The following DDAH1 variants were observed in gnomAD, a reference collection of about 807,000 sequenced individuals.
DDAH1 encodes N(G),N(G)-dimethylarginine dimethylaminohydrolase 1.
A neutral mutation model predicts 28.8 loss-of-function variants in DDAH1; 19 were observed. That is an observed-to-expected ratio of 0.66 (90% CI 0.46 to 0.97). DDAH1 has a LOEUF of 0.97. Among genes scored for constraint, DDAH1 ranks in the 50% least tolerant of loss-of-function variants. The probability of loss-of-function intolerance (pLI) is 0.00; values close to 1 mark genes in which losing one functional copy is unlikely to be tolerated. For synonymous variants in DDAH1, 153 were observed against 154.4 expected (o/e 0.99, Z 0.07); for missense variants, 326 against 375.9 (o/e 0.87, Z 1.10).
intron 1 of DDAH1, among the ~76,000 whole-genome samples, chr1:85,404,895 A>C (rs973300314): frequency 5.9e-5 from 9 of 152,204 alleles, no homozygotes; most frequent in Non-Finnish European, 1.3e-4. Context: ...AGGGAACGCC[A>C]TTTCTTTAGG....
chr1:85,330,572 C>G (rs1193518801), intron 4 of DDAH1, among the ~76,000 whole-genome samples: 1 of 152,124 alleles, frequency 6.6e-6, no homozygotes, highest in Non-Finnish European at 1.5e-5. Flanking sequence ...AATTCCTTTC[C>G]CTAAGAGCAG....
intron 1 of DDAH1, among the ~76,000 whole-genome samples, chr1:85,398,227 A>G (rs910436047): frequency 4.6e-5 from 7 of 152,160 alleles, no homozygotes; most frequent in Non-Finnish European, 8.8e-5. Flanking sequence ...GTTTGTCAAA[A>G]TTTCCAGCAA....
chr1:85,404,826 T>G (rs1291893274), intron 1 of DDAH1, among the ~76,000 whole-genome samples: 1 of 152,228 alleles, frequency 6.6e-6, no homozygotes, highest in Non-Finnish European at 1.5e-5. Context: ...AGTTGCTATA[T>G]GTACTGTTCT....
chr1:85,391,950 T>C (rs1356671241), intron 1 of DDAH1, among the ~76,000 whole-genome samples: 1 of 152,204 alleles, frequency 6.6e-6, no homozygotes, highest in Admixed American at 6.5e-5. Flanking sequence ...TGTTATCCTG[T>C]AGGTAGACAC....
intron 1 of DDAH1, among the ~76,000 whole-genome samples, chr1:85,393,939 C>T (rs1211548389): frequency 6.6e-6 from 1 of 152,098 alleles, no homozygotes; most frequent in African/African-American, 2.4e-5. Context: ...CTTATAAAAG[C>T]TCTAAGATCT....
intron 1 of DDAH1, among the ~76,000 whole-genome samples, chr1:85,517,831 C>T (rs1195637701): frequency 6.6e-6 from 1 of 152,128 alleles, no homozygotes; most frequent in Non-Finnish European, 1.5e-5. Context: ...TGATGAGACC[C>T]TTCATCAGTG....
At chr1:85,430,985 T>A (rs1653659223) in intron 1 of DDAH1, among the ~76,000 whole-genome samples, 1 of 152,218 alleles carries the variant, frequency 6.6e-6, no homozygotes, top group Non-Finnish European at 1.5e-5. Context: ...TCAAAGGGAA[T>A]GCTTCCAGCT....
chr1:85,528,258 C>T (rs1657941442), intron 1 of DDAH1, among the ~76,000 whole-genome samples: 1 of 151,722 alleles, frequency 6.6e-6, no homozygotes, highest in African/African-American at 2.4e-5. Context: ...AAAATCTACC[C>T]TTACCAAGTG....
chr1:85,437,981 G>A (rs572134959), intron 1 of DDAH1, among the ~76,000 whole-genome samples: 1 of 152,278 alleles, frequency 6.6e-6, no homozygotes, highest in South Asian at 2.1e-4. Context: ...TATACACTAT[G>A]TACTACTATG....
At chr1:85,555,092 G>C (rs972368308) in intron 1 of DDAH1, among the ~76,000 whole-genome samples, 10 of 152,202 alleles carry the variant, frequency 6.6e-5, no homozygotes, top group Non-Finnish European at 1.3e-4. Context: ...AGTTCTTTGA[G>C]GGCAGGATCT....
chr1:85,331,091 T>C (rs1024550066), intron 4 of DDAH1, among the ~76,000 whole-genome samples: 6 of 152,170 alleles, frequency 3.9e-5, no homozygotes, highest in Non-Finnish European at 7.4e-5. Context: ...TGTCACAAAA[T>C]AGAGTGGGAA....
chr1:85,506,332 C>T (rs1000602428), intron 1 of DDAH1, among the ~76,000 whole-genome samples: 2 of 152,140 alleles, frequency 1.3e-5, no homozygotes, highest in Non-Finnish European at 2.9e-5. Flanking sequence ...CATGGGTTAT[C>T]ACAGAATCAT....
chr1:85,465,819 A>G (rs1375902727), upstream of DDAH1, among the ~76,000 whole-genome samples: 1 of 152,112 alleles, frequency 6.6e-6, no homozygotes, highest in African/African-American at 2.4e-5. Context: ...AAAAGTAACT[A>G]GTGATTTGGT....
chr1:85,428,082 C>G (rs755067390), intron 1 of DDAH1, among the ~76,000 whole-genome samples: 1 of 152,144 alleles, frequency 6.6e-6, no homozygotes, highest in Non-Finnish European at 1.5e-5. Flanking sequence ...AGTGGTCTAC[C>G]TAAGTAAGAA....
At position 85,321,065 on chromosome 1, in the gene DDAH1, GAAA is replaced by G. The variant is rs550307646; in HGVS notation, c.*384_*386del. The G allele has an allele frequency of 0.033, 2,415 of 73,212 alleles. 52 individuals are homozygous for G. The highest frequency in any genetic ancestry group is 0.21 in the East Asian group (582 of 2,762). The allele number at this position is 73,212 out of a possible 1,614,324, so 4.5% of individuals were successfully genotyped here. ...TTCACAGGAACCAAACATGATTCAT[GAAA>G]AAAAAAAAAAAAAAAAGCAAGCTTA... On this transcript the variant is annotated 3_prime_UTR_variant, in exon 6 of 6. Transcript: ENST00000284031.
At chr1:85,569,060 A>G (rs1034313247) in intron 1 of DDAH1, among the ~76,000 whole-genome samples, 4 of 152,184 alleles carry the variant, frequency 2.6e-5, no homozygotes, top group African/African-American at 9.7e-5. Flanking sequence ...GGCCTGTGTG[A>G]ACTCCCCAAG....
chr1:85,465,228 C>T (rs372712915), upstream of DDAH1: 18 of 1,107,368 alleles, frequency 1.6e-5, no homozygotes, highest in East Asian at 3.8e-4. Flanking sequence ...GAGCTCCGGG[C>T]GCCGGCCCGC....
chr1:85,362,135 A>C (rs1649830365), intron 1 of DDAH1, among the ~76,000 whole-genome samples: 1 of 151,878 alleles, frequency 6.6e-6, no homozygotes, highest in Non-Finnish European at 1.5e-5. Flanking sequence ...TTTTTTGCAA[A>C]GCCAGTATAC....
intron 1 of DDAH1, among the ~76,000 whole-genome samples, chr1:85,462,389 T>C (rs1011377909): frequency 6.6e-6 from 1 of 152,130 alleles, no homozygotes; most frequent in South Asian, 2.1e-4. Flanking sequence ...GGATCAGATC[T>C]GAGTTTTTAA....
Sources: gnomAD v4.1 joint callset for allele counts (sites outside exome capture counted in the v4.1 genomes callset) on GRCh38, gnomAD v4.1.1 for gene constraint, MANE v1.5 for transcripts, NCBI Gene and HGNC (gene_info 2026-07-23, HGNC 2026-07-21) for gene names.